ERBB4: variants seen among roughly 807,000 people sequenced by gnomAD.
The protein encoded by ERBB4 is receptor tyrosine-protein kinase erbB-4.
In ERBB4, 42 loss-of-function variants were observed where a neutral mutation model predicts 158.0. The observed-to-expected ratio is 0.27, with a 90% CI of 0.21 to 0.34. ERBB4 has a LOEUF of 0.34. Among genes scored for constraint, ERBB4 ranks in the 10% least tolerant of loss-of-function variants. The probability of loss-of-function intolerance (pLI) is 1.00; values close to 1 mark genes in which losing one functional copy is unlikely to be tolerated. For missense variants in ERBB4, 1,333 were observed against 1,624.1 expected (o/e 0.82, Z 3.08); for synonymous variants, 583 against 558.7 (o/e 1.04, Z -0.61).
At chr2:211,715,627 T>G (rs13423170) in intron 7 of ERBB4, among the ~76,000 whole-genome samples, 74,293 of 151,904 alleles carry the variant, frequency 0.49, 19,183 homozygotes, top group Admixed American at 0.58. Context: ...GTGTTGTCGT[T>G]GCAAGAGTGA....
intron 1 of ERBB4, among the ~76,000 whole-genome samples, chr2:212,129,410 C>A (rs1449069101): frequency 6.6e-6 from 1 of 150,860 alleles, no homozygotes; most frequent in Non-Finnish European, 1.5e-5. Flanking sequence ...AAAAGGTATA[C>A]AATATTATAT....
rs77983612 is a variant in ERBB4, at chr2:211,831,622, A to G, written c.422-43463T>C. Among the ~76,000 whole-genome samples the G allele has an allele frequency of 3.9e-3, 588 of 152,290 alleles. 5 individuals carry two copies. Among genetic ancestry groups the G allele is most frequent in the African/African-American group, 0.013 (536 of 41,558 alleles). On this transcript the variant is annotated intron_variant, in intron 3 of 27. Transcript: ENST00000342788. The stretch of plus-strand genomic sequence containing the variant: ...TACTTAAAATAATAGTAATGTTGCC[A>G]GTCATGGTAACATTAATACCTGTAA...
intron 1 of ERBB4, among the ~76,000 whole-genome samples, chr2:212,348,163 GAA>G (rs1560081522): frequency 6.6e-6 from 1 of 152,110 alleles, no homozygotes; most frequent in Non-Finnish European, 1.5e-5. Context: ...GTCTGTCATT[GAA>G]ACTGAGCTCA....
intron 20 of ERBB4, among the ~76,000 whole-genome samples, chr2:211,435,104 A>T (rs1386851368): frequency 6.6e-6 from 1 of 152,248 alleles, no homozygotes; most frequent in Non-Finnish European, 1.5e-5. Flanking sequence ...TCATGCAACT[A>T]AGGTGGCAGA....
intron 3 of ERBB4, among the ~76,000 whole-genome samples, chr2:211,858,443 T>C (rs1357455020): frequency 6.6e-6 from 1 of 152,234 alleles, no homozygotes; most frequent in Non-Finnish European, 1.5e-5. Context: ...AAACAAATGT[T>C]TGAAGACTAA....
intron 1 of ERBB4, among the ~76,000 whole-genome samples, chr2:212,144,842 C>T (rs1384468220): frequency 6.6e-6 from 1 of 152,086 alleles, no homozygotes; most frequent in Non-Finnish European, 1.5e-5. Flanking sequence ...GCTGAGTAGA[C>T]AGTATAATAA....
intron 2 of ERBB4, among the ~76,000 whole-genome samples, chr2:212,070,032 A>C (rs1190151045): frequency 2.0e-5 from 3 of 151,938 alleles, no homozygotes; most frequent in Non-Finnish European, 2.9e-5. Context: ...AGGTGGGAGG[A>C]GTTGCTGAGC....
At chr2:211,497,632 A>C (rs2065502502) in intron 20 of ERBB4, among the ~76,000 whole-genome samples, 1 of 152,262 alleles carries the variant, frequency 6.6e-6, no homozygotes, top group African/African-American at 2.4e-5. Context: ...ACATACATTG[A>C]GTTTAAGGCA....
At chr2:211,971,496 A>G (rs776662248) in intron 2 of ERBB4, among the ~76,000 whole-genome samples, 3 of 152,176 alleles carry the variant, frequency 2.0e-5, no homozygotes, top group Non-Finnish European at 4.4e-5. Context: ...AGCTGGTACC[A>G]TTCCTACTGA....
intron 20 of ERBB4, among the ~76,000 whole-genome samples, chr2:211,535,126 T>C (rs1220592207): frequency 6.6e-6 from 1 of 152,126 alleles, no homozygotes; most frequent in Non-Finnish European, 1.5e-5. Flanking sequence ...TTGATGTATT[T>C]GTTCTTTTAA....
intron 19 of ERBB4, among the ~76,000 whole-genome samples, chr2:211,593,763 T>A (rs776003136): frequency 3.0e-4 from 45 of 152,302 alleles, no homozygotes; most frequent in Non-Finnish European, 5.1e-4. Context: ...CCTGATACCC[T>A]TTCAAGGAAA....
intron 2 of ERBB4, among the ~76,000 whole-genome samples, chr2:212,073,483 T>G (rs1472114574): frequency 6.6e-6 from 1 of 151,960 alleles, no homozygotes; most frequent in East Asian, 1.9e-4. Context: ...CACACCATTG[T>G]GGCCAGAACA....
chr2:212,165,392 A>G (rs1449421076), intron 1 of ERBB4, among the ~76,000 whole-genome samples: 1 of 151,858 alleles, frequency 6.6e-6, no homozygotes, highest in Non-Finnish European at 1.5e-5. Context: ...ACTTCACCAT[A>G]ATCCCAGCCC....
chr2:211,438,582 T>C (rs1028499320), intron 20 of ERBB4, among the ~76,000 whole-genome samples: 2 of 152,194 alleles, frequency 1.3e-5, no homozygotes, highest in African/African-American at 2.4e-5. Flanking sequence ...AGATACCATG[T>C]ATTTTTAAAA....
chr2:212,324,256 C>T (rs1329358754), intron 1 of ERBB4, among the ~76,000 whole-genome samples: 2 of 150,580 alleles, frequency 1.3e-5, no homozygotes, highest in Non-Finnish European at 1.5e-5. Context: ...CTCTAAACTT[C>T]CTGTTATATT....
At chr2:211,774,070 C>A (rs560474305) in intron 4 of ERBB4, among the ~76,000 whole-genome samples, 1 of 142,442 alleles carries the variant, frequency 7.0e-6, no homozygotes, top group African/African-American at 2.6e-5. Flanking sequence ...GTCACCCCAA[C>A]CAATTTTTTT....
intron 2 of ERBB4, among the ~76,000 whole-genome samples, chr2:212,057,346 G>A (rs143508931): frequency 2.4e-4 from 36 of 152,066 alleles, no homozygotes; most frequent in South Asian, 8.3e-4. Context: ...CTTTAACACC[G>A]CACTGTCAAC....
At chr2:212,010,512 C>A (rs1397864305) in intron 2 of ERBB4, among the ~76,000 whole-genome samples, 1 of 152,040 alleles carries the variant, frequency 6.6e-6, no homozygotes, top group Non-Finnish European at 1.5e-5. Flanking sequence ...GAACAAAGAT[C>A]ACATGCTTCT....
chr2:211,969,198 A>G (rs1248916951), intron 2 of ERBB4, among the ~76,000 whole-genome samples: 1 of 151,964 alleles, frequency 6.6e-6, no homozygotes, highest in Non-Finnish European at 1.5e-5. Context: ...AAAAGTTAAG[A>G]CAACTGCAAA....
Sources: gnomAD v4.1 joint callset for allele counts (sites outside exome capture counted in the v4.1 genomes callset) on GRCh38, gnomAD v4.1.1 for gene constraint, MANE v1.5 for transcripts, NCBI Gene and HGNC (gene_info 2026-07-23, HGNC 2026-07-21) for gene names.